GLI2: variants seen among roughly 807,000 people sequenced by gnomAD.
GLI2 encodes transcription activator GLI2.
In GLI2, 22 loss-of-function variants were observed where a neutral mutation model predicts 78.9. The ratio of observed to expected loss-of-function variants is 0.28; its 90% CI spans 0.20 to 0.40. GLI2 has a LOEUF of 0.40. Ranked by LOEUF, GLI2 falls within the 10% of genes least tolerant of loss-of-function variation. The probability of loss-of-function intolerance (pLI) is 1.00; values close to 1 mark genes in which losing one functional copy is unlikely to be tolerated. For missense variants in GLI2, 2,097 were observed against 2,213.2 expected (o/e 0.95, Z 1.05); for synonymous variants, 974 against 963.7 (o/e 1.01, Z -0.20).
intron 2 of GLI2, among the ~76,000 whole-genome samples, chr2:120,832,809 G>A (rs996123419): frequency 1.5e-4 from 23 of 152,106 alleles, no homozygotes; most frequent in East Asian, 1.9e-4. Flanking sequence ...GGACGGGTGG[G>A]CTGTTAGGTG....
At chr2:120,786,932 C>T (rs943825092) in intron 1 of GLI2, among the ~76,000 whole-genome samples, 4 of 152,220 alleles carry the variant, frequency 2.6e-5, no homozygotes, top group Non-Finnish European at 5.9e-5. Flanking sequence ...GAAGAGGATT[C>T]TTGAAGACTT....
intron 2 of GLI2, among the ~76,000 whole-genome samples, chr2:120,831,837 C>T (rs1220128333): frequency 6.6e-6 from 1 of 152,208 alleles, no homozygotes; most frequent in Non-Finnish European, 1.5e-5. Context: ...TGAGGTCATG[C>T]TCACAAAGTA....
rs370382506 is a variant in GLI2 at position 120,984,539 on chromosome 2, T to C, written c.1701T>C (p.His567=). 1.1e-4 allele frequency: 172 copies of C among 1,613,950 alleles called. 1 individual carries two copies. The highest frequency in any genetic ancestry group is 1.3e-4 in the Non-Finnish European group (153 of 1,180,026). Reference sequence around the variant, plus strand: ...CAGACCCCAGCTCTCTCCGGAAGCATGTGAAAACGGTCCACGGCCCAGATG... The same window carrying C: ...CAGACCCCAGCTCTCTCCGGAAGCACGTGAAAACGGTCCACGGCCCAGATG... ...RYTDPSSLRK[H]VKTVHGPDAH... is the part of the protein sequence containing the mutation. The change falls in exon 12 of 14, where the codon CAT becomes CAC. Residue 567 remains histidine, a synonymous_variant. Coordinates refer to ENST00000361492, the MANE Select transcript of GLI2 (RefSeq NM_001374353.1).
At chr2:120,751,212 T>G (rs1682862019) in intron 1 of GLI2, among the ~76,000 whole-genome samples, 1 of 152,218 alleles carries the variant, frequency 6.6e-6, no homozygotes, top group South Asian at 2.1e-4. Context: ...TTACCCCAAC[T>G]TAGGGATCAT....
intron 1 of GLI2, among the ~76,000 whole-genome samples, chr2:120,781,621 G>A (rs1351847011): frequency 1.3e-5 from 2 of 152,182 alleles, no homozygotes; most frequent in Admixed American, 1.3e-4. Flanking sequence ...GGTGGCTTAC[G>A]CCTGTAATCC....
intron 2 of GLI2, among the ~76,000 whole-genome samples, chr2:120,808,876 C>T (rs543937619): frequency 1.3e-5 from 2 of 152,140 alleles, no homozygotes; most frequent in Non-Finnish European, 2.9e-5. Flanking sequence ...CACCTGAGGC[C>T]GTTTGTGTCT....
At chr2:120,845,490 C>T (rs1026425004) in intron 2 of GLI2, among the ~76,000 whole-genome samples, 2 of 152,210 alleles carry the variant, frequency 1.3e-5, no homozygotes, top group African/African-American at 4.8e-5. Flanking sequence ...GCCGTGCTCA[C>T]ATGCTGCAGC....
rs762017804 is a variant in GLI2 at position 120,988,241 on chromosome 2, G to A, written c.2276G>A (p.Gly759Asp). Residue 759 changes from glycine to aspartate, a missense_variant, in exon 14 of 14, where the codon GGC (glycine) becomes GAC (aspartate). Around this residue, in one of 5 missense-constraint regions of GLI2, gnomAD observed 1,290 missense variants for 1,261.7 expected, o/e 1.02. Coordinates refer to ENST00000361492, the MANE Select transcript of GLI2 (RefSeq NM_001374353.1). The stretch of plus-strand genomic sequence containing the variant: ...CTGGAAAACTTCAGTGGCAGTGGGG[G>A]CGGCGGGCCCGCGGGGCTGCTGCCG... Reference protein sequence around the residue: ...SILENFSGSGGGGPAGLLPNP... With the variant: ...SILENFSGSGDGGPAGLLPNP... 32 of 1,584,684 alleles carry A rather than the reference G, an allele frequency of 2.0e-5. No individual in the cohort carries two copies. The highest frequency in any genetic ancestry group is 1.6e-4 in the South Asian group (14 of 87,970).
intron 2 of GLI2, among the ~76,000 whole-genome samples, chr2:120,878,717 A>G (rs1045036179): frequency 1.3e-5 from 2 of 152,048 alleles, no homozygotes. Context: ...GGCGGATCAC[A>G]GGTCAGGAGA....
In GLI2 at chr2:120,773,736, G is replaced by A. The variant is rs527535835; in HGVS notation, c.-30-23555G>A. 1.6e-4 allele frequency among the ~76,000 whole-genome samples: 24 copies of A among 152,262 alleles called. 1 individual carries two copies. In the East Asian group the frequency reaches 2.1e-3, roughly 13 times the overall value. On this transcript the variant is annotated intron_variant, in intron 1 of 13. Transcript: ENST00000361492. Reference sequence around the variant, plus strand: ...GCAGGTGGCAGGTGGCAGGCAGCACGGCCTTGGGGCTCAAAGTGGGGCAGG... The same window carrying A: ...GCAGGTGGCAGGTGGCAGGCAGCACAGCCTTGGGGCTCAAAGTGGGGCAGG...
chr2:120,766,367 G>A (rs1445584687), intron 1 of GLI2, among the ~76,000 whole-genome samples: 1 of 152,224 alleles, frequency 6.6e-6, no homozygotes, highest in African/African-American at 2.4e-5. Context: ...TCACGCCCCT[G>A]GGGCTGACCC....
chr2:120,827,233 G>A (rs1573441363), intron 2 of GLI2, among the ~76,000 whole-genome samples: 2 of 152,206 alleles, frequency 1.3e-5, no homozygotes, highest in Non-Finnish European at 2.9e-5. Flanking sequence ...AGCCAAACCC[G>A]AGTGTCTGCT....
At chr2:120,798,260 G>C (rs752505404) in intron 2 of GLI2, among the ~76,000 whole-genome samples, 1 of 152,244 alleles carries the variant, frequency 6.6e-6, no homozygotes, top group Non-Finnish European at 1.5e-5. Context: ...TCCGGCGGGC[G>C]CTTGGGCAGC....
intron 2 of GLI2, among the ~76,000 whole-genome samples, chr2:120,819,431 G>A (rs1046445864): frequency 1.3e-5 from 2 of 151,876 alleles, no homozygotes; most frequent in African/African-American, 4.8e-5. Flanking sequence ...GTAGAGACGG[G>A]GTTTTGCCAT....
intron 2 of GLI2, among the ~76,000 whole-genome samples, chr2:120,858,270 C>T (rs185341321): frequency 6.6e-6 from 1 of 152,278 alleles, no homozygotes; most frequent in African/African-American, 2.4e-5. Flanking sequence ...TGTCAAGAAA[C>T]AAAATATAAA....
At chr2:120,767,690 C>T (rs947028744) in intron 1 of GLI2, among the ~76,000 whole-genome samples, 5 of 152,234 alleles carry the variant, frequency 3.3e-5, no homozygotes, top group African/African-American at 4.8e-5. Flanking sequence ...CCCACTGCCT[C>T]GCCTGGGTCA....
At chr2:120,809,071 T>C (rs1156874117) in intron 2 of GLI2, among the ~76,000 whole-genome samples, 1 of 152,170 alleles carries the variant, frequency 6.6e-6, no homozygotes, top group Admixed American at 6.5e-5. Context: ...ATATGGGTGT[T>C]TATAGCAATG....
Position 120,800,568 on chromosome 2 carries a change from C to T in GLI2, c.148+3100C>T, listed in dbSNP as rs56154976. 0.056 allele frequency among the ~76,000 whole-genome samples: 8,560 copies of T among 151,660 alleles called. 282 individuals carry two copies. Among genetic ancestry groups the T allele is most frequent in the East Asian group, 0.11 (545 of 5,144 alleles). On this transcript the variant is annotated intron_variant, in intron 2 of 13. Coordinates refer to ENST00000361492, the MANE Select transcript of GLI2 (RefSeq NM_001374353.1). The surrounding 1 kb of genome is among the most constrained non-coding windows in gnomAD (Gnocchi z 4.1). ...TCACACAGGCTGGAGTGCAGTGGCA[C>T]GATCTCAGCTCACTGCCAGCTCCGC...
At chr2:120,908,550 G>A (rs1678657012) in intron 2 of GLI2, among the ~76,000 whole-genome samples, 1 of 152,194 alleles carries the variant, frequency 6.6e-6, no homozygotes, top group African/African-American at 2.4e-5. Flanking sequence ...GAACTATGAG[G>A]CAGGGCCCTG....
Sources: gnomAD v4.1 joint callset for allele counts (sites outside exome capture counted in the v4.1 genomes callset) on GRCh38, gnomAD v4.1.1 for gene constraint, gnomAD v4.1.1 regional missense constraint, Gnocchi (gnomAD v3.1) non-coding constraint, MANE v1.5 for transcripts, NCBI Gene and HGNC (gene_info 2026-07-23, HGNC 2026-07-21) for gene names.